The following EPHA5 variants were observed in gnomAD, a reference collection of about 807,000 sequenced individuals.
The protein encoded by EPHA5 is ephrin type-A receptor 5.
A neutral mutation model predicts 105.0 loss-of-function variants in EPHA5; 60 were observed. The ratio of observed to expected loss-of-function variants is 0.57; its 90% CI spans 0.46 to 0.71. The LOEUF (loss-of-function observed/expected upper bound fraction) is 0.71, where lower values mean the gene tolerates loss of function less well. Ranked by LOEUF, EPHA5 falls within the 30% of genes least tolerant of loss-of-function variation. EPHA5 has a pLI of 0.00. For synonymous variants in EPHA5, 513 were observed against 449.1 expected, an observed-to-expected ratio of 1.14 and a Z score of -1.80; for missense variants, 1,218 against 1,274.7, an observed-to-expected ratio of 0.96 and a Z score of 0.68.
intron 3 of EPHA5, among the ~76,000 whole-genome samples, chr4:65,597,919 G>T (rs188725473): frequency 1.3e-5 from 2 of 152,230 alleles, no homozygotes; most frequent in East Asian, 3.9e-4. Flanking sequence ...GGTTTAGTTT[G>T]TAAAAGGCCA....
intron 3 of EPHA5, among the ~76,000 whole-genome samples, chr4:65,575,161 C>A (rs773864437): frequency 6.6e-5 from 10 of 151,934 alleles, no homozygotes; most frequent in Non-Finnish European, 1.2e-4. Context: ...AATGAGTGAG[C>A]AGATCAGACA....
rs531681640 is a variant in EPHA5 at position 65,418,924 on chromosome 4, C to T, written c.1527+1517G>A. Among the ~76,000 whole-genome samples, 125 of 100,490 alleles carry T rather than the reference C, an allele frequency of 1.2e-3. 2 individuals carry two copies. Among genetic ancestry groups the T allele is most frequent in the Admixed American group, 1.3e-3 (9 of 7,100 alleles). 65.9% of individuals were successfully genotyped at this position (100,490 alleles called of 152,430 possible). A position where few individuals can be genotyped will look rare whatever the true frequency, so the allele number is the denominator to read the frequency against. On this transcript the variant is annotated intron_variant, in intron 6 of 16. Coordinates refer to ENST00000613740, the MANE Select transcript of EPHA5 (RefSeq NM_001281766.3). ...TCGAGACTGAGTTTTGCTCTTGTTG[C>T]CCAGACTGGAGTGCAATGGTGCGAT...
At chr4:65,641,211 G>C (rs1009489357) in intron 2 of EPHA5, among the ~76,000 whole-genome samples, 1 of 152,062 alleles carries the variant, frequency 6.6e-6, no homozygotes, top group Non-Finnish European at 1.5e-5. Context: ...CTGAATTTTG[G>C]CTTTTCAAGA....
At chr4:65,510,810 A>G (rs1211139365) in intron 3 of EPHA5, among the ~76,000 whole-genome samples, 1 of 152,220 alleles carries the variant, frequency 6.6e-6, no homozygotes, top group Non-Finnish European at 1.5e-5. Flanking sequence ...CATAGTCCAC[A>G]AACATGCTAG....
chr4:65,629,200 A>C (rs1023214932), intron 2 of EPHA5, among the ~76,000 whole-genome samples: 8 of 152,196 alleles, frequency 5.3e-5, no homozygotes, highest in African/African-American at 1.9e-4. Flanking sequence ...TTTCATATCT[A>C]CAACATGCTT....
In EPHA5 at chr4:65,507,257, T is replaced by C. The variant is rs551922559; in HGVS notation, c.911-11714A>G. On this transcript the variant is annotated intron_variant, in intron 3 of 16. Coordinates refer to ENST00000613740, the MANE Select transcript of EPHA5 (RefSeq NM_001281766.3). ...GTTTTGGTACCAGTACCATGCTGTT[T>C]TGGTTACTGTAGCCTTGTAGTATAG... 3.8e-4 allele frequency among the ~76,000 whole-genome samples: 58 copies of C among 152,260 alleles called. 1 individual carries two copies. The East Asian group carries it at 0.01, about 27-fold the overall frequency.
intron 8 of EPHA5, among the ~76,000 whole-genome samples, chr4:65,391,678 G>T (rs1257397408): frequency 1.3e-5 from 2 of 152,080 alleles, no homozygotes; most frequent in African/African-American, 2.4e-5. Context: ...ACCTAGGAGG[G>T]TCTTCTGCCA....
chr4:65,596,186 G>T (rs1000791773), intron 3 of EPHA5, among the ~76,000 whole-genome samples: 1 of 152,096 alleles, frequency 6.6e-6, no homozygotes, highest in African/African-American at 2.4e-5. Flanking sequence ...AACATATTTT[G>T]TGTTAGCGGC....
At chr4:65,496,319 G>A (rs1185120512) in intron 3 of EPHA5, among the ~76,000 whole-genome samples, 16 of 150,078 alleles carry the variant, frequency 1.1e-4, no homozygotes, top group African/African-American at 2.9e-4. Flanking sequence ...ATGCTGGTGC[G>A]CTGCACCCAC....
chr4:65,471,490 A>AT (rs1358752114), intron 5 of EPHA5, among the ~76,000 whole-genome samples: 2 of 152,138 alleles, frequency 1.3e-5, no homozygotes, highest in Admixed American at 6.5e-5. Flanking sequence ...TTGCATGGGT[A>AT]TTGTATTAGT....
intron 2 of EPHA5, among the ~76,000 whole-genome samples, chr4:65,605,485 T>C (rs1744139302): frequency 6.6e-6 from 1 of 152,104 alleles, no homozygotes; most frequent in South Asian, 2.1e-4. Context: ...AGCTTGAAAA[T>C]ACTGACTCAT....
chr4:65,477,639 C>T (rs891938611), intron 5 of EPHA5, among the ~76,000 whole-genome samples: 4 of 152,038 alleles, frequency 2.6e-5, no homozygotes, highest in African/African-American at 9.7e-5. Context: ...GTCTCGATCT[C>T]TTGACCTCAT....
At chr4:65,652,874 C>A (rs1267622533) in intron 1 of EPHA5, among the ~76,000 whole-genome samples, 1 of 151,950 alleles carries the variant, frequency 6.6e-6, no homozygotes, top group African/African-American at 2.4e-5. Context: ...GAGAAAGCAA[C>A]AAAGTAATAA....
chr4:65,370,086 G>A (rs1718307448), intron 8 of EPHA5, among the ~76,000 whole-genome samples: 1 of 152,064 alleles, frequency 6.6e-6, no homozygotes, highest in Non-Finnish European at 1.5e-5. Flanking sequence ...CACATATAAT[G>A]TTCTTGGGTG....
intron 3 of EPHA5, among the ~76,000 whole-genome samples, chr4:65,536,709 A>G (rs1736321685): frequency 6.6e-6 from 1 of 151,662 alleles, no homozygotes; most frequent in Non-Finnish European, 1.5e-5. Flanking sequence ...AAATGAGACA[A>G]TTGTACTCTT....
At chr4:65,665,688 C>T (rs1196892761) in intron 1 of EPHA5, among the ~76,000 whole-genome samples, 1 of 152,102 alleles carries the variant, frequency 6.6e-6, no homozygotes, top group Admixed American at 6.6e-5. Flanking sequence ...AAATTGTTCA[C>T]TGTCCTCTCT....
intron 3 of EPHA5, among the ~76,000 whole-genome samples, chr4:65,505,810 T>G (rs1578277719): frequency 2.6e-5 from 4 of 152,216 alleles, no homozygotes; most frequent in Admixed American, 2.6e-4. Flanking sequence ...GAGAGTGATT[T>G]AACCAAGGGA....
chr4:65,645,036 C>T (rs1415913751), intron 1 of EPHA5, among the ~76,000 whole-genome samples: 1 of 151,980 alleles, frequency 6.6e-6, no homozygotes, highest in African/African-American at 2.4e-5. Context: ...GGTGATCTAA[C>T]TGAAAAACTA....
intron 3 of EPHA5, among the ~76,000 whole-genome samples, chr4:65,502,405 G>GAA (rs1732582316): frequency 2.3e-5 from 3 of 127,998 alleles, no homozygotes; most frequent in South Asian, 5.1e-4. Context: ...AATTAAACAA[G>GAA]CAAAAAAAAA....
Sources: allele counts gnomAD v4.1 joint callset (sites outside exome capture counted in the v4.1 genomes callset), GRCh38; gene constraint gnomAD v4.1.1; transcripts MANE v1.5; gene names NCBI Gene and HGNC (gene_info 2026-07-23, HGNC 2026-07-21).